ALCAM: variants seen among roughly 807,000 people sequenced by gnomAD.
ALCAM encodes CD166 antigen.
In ALCAM, 30 loss-of-function variants were observed where a neutral mutation model predicts 70.9. That is an observed-to-expected ratio of 0.42 (90% confidence interval 0.32 to 0.57). ALCAM has a LOEUF of 0.57. Among genes scored for constraint, ALCAM ranks in the 20% least tolerant of loss-of-function variants. ALCAM has a pLI of 0.11. For synonymous variants in ALCAM, 249 were observed against 242.5 expected (o/e 1.03, Z -0.25); for missense variants, 591 against 695.1 (o/e 0.85, Z 1.68).
intron 1 of ALCAM, among the ~76,000 whole-genome samples, chr3:105,459,417 G>A (rs1293370735): frequency 6.6e-6 from 1 of 151,890 alleles, no homozygotes; most frequent in African/African-American, 2.4e-5. Context: ...TGGGAAGACA[G>A]GGGTATTATC....
intron 1 of ALCAM, among the ~76,000 whole-genome samples, chr3:105,404,124 C>T (rs1936158850): frequency 6.6e-6 from 1 of 151,740 alleles, no homozygotes; most frequent in Non-Finnish European, 1.5e-5. Context: ...AATTGGTGAT[C>T]CTGAGGAAGA....
intron 1 of ALCAM, among the ~76,000 whole-genome samples, chr3:105,493,282 C>T (rs1938640952): frequency 6.6e-6 from 1 of 151,992 alleles, no homozygotes; most frequent in Non-Finnish European, 1.5e-5. Context: ...TATGACCATG[C>T]TTATGTCAAT....
At chr3:105,569,420 A>G (rs1380129798) in intron 14 of ALCAM, among the ~76,000 whole-genome samples, 1 of 152,168 alleles carries the variant, frequency 6.6e-6, no homozygotes, top group Non-Finnish European at 1.5e-5. Flanking sequence ...GTTAGTAGCT[A>G]TTAGAATAAT....
At chr3:105,546,765 A>T (rs2279387) in intron 9 of ALCAM, among the ~76,000 whole-genome samples, 10,948 of 151,462 alleles carry the variant, frequency 0.072, 481 homozygotes, top group African/African-American at 0.11. Context: ...ATCCTAATGG[A>T]CAAAGACCAC....
At chr3:105,454,386 G>T (rs1264126459) in intron 1 of ALCAM, among the ~76,000 whole-genome samples, 1 of 152,108 alleles carries the variant, frequency 6.6e-6, no homozygotes, top group Non-Finnish European at 1.5e-5. Context: ...TGTACAGATG[G>T]CCTTAGACAT....
chr3:105,567,079 A>C (rs1940758935), intron 14 of ALCAM, among the ~76,000 whole-genome samples: 1 of 152,100 alleles, frequency 6.6e-6, no homozygotes, highest in Non-Finnish European at 1.5e-5. Flanking sequence ...ATGTTTAATT[A>C]TCTCTGGTGT....
At chr3:105,405,854 G>T (rs1312868184) in intron 1 of ALCAM, among the ~76,000 whole-genome samples, 1 of 152,126 alleles carries the variant, frequency 6.6e-6, no homozygotes, top group Admixed American at 6.5e-5. Context: ...TCATTTAATT[G>T]AATGATAATA....
At chr3:105,558,677 C>T (rs6792801) in intron 14 of ALCAM, among the ~76,000 whole-genome samples, 64,426 of 151,932 alleles carry the variant, frequency 0.42, 14,663 homozygotes, top group East Asian at 0.68. Flanking sequence ...GCCCTTTAAA[C>T]GCACTGCGCT....
chr3:105,466,719 A>C (rs1269503146), intron 1 of ALCAM, among the ~76,000 whole-genome samples: 2 of 151,418 alleles, frequency 1.3e-5, no homozygotes, highest in African/African-American at 4.8e-5. Flanking sequence ...TTAGTGACAA[A>C]TGACCTGAAT....
intron 1 of ALCAM, among the ~76,000 whole-genome samples, chr3:105,411,928 G>T (rs1013745635): frequency 6.6e-6 from 1 of 151,982 alleles, no homozygotes; most frequent in African/African-American, 2.4e-5. Context: ...AAAAGTATAA[G>T]AAATGATTTA....
At chr3:105,552,633 A>C (rs1422448292) in intron 14 of ALCAM, 48 bp downstream of exon 14, 7 of 1,609,358 alleles carry the variant, frequency 4.3e-6, no homozygotes, top group Non-Finnish European at 5.9e-6. Context: ...TTTCACTGGG[A>C]GAAAATACAA....
intron 1 of ALCAM, among the ~76,000 whole-genome samples, chr3:105,488,072 G>A (rs1576196208): frequency 6.6e-6 from 1 of 152,184 alleles, no homozygotes; most frequent in African/African-American, 2.4e-5. Flanking sequence ...TTTTACTTTT[G>A]TTAGGTCCTG....
chr3:105,400,824 C>A (rs1045913924), intron 1 of ALCAM, among the ~76,000 whole-genome samples: 2 of 152,152 alleles, frequency 1.3e-5, no homozygotes, highest in African/African-American at 4.8e-5. Flanking sequence ...CAGTTACCAG[C>A]TAGTCATTTG....
chr3:105,465,521 A>C (rs1363863540), intron 1 of ALCAM, among the ~76,000 whole-genome samples: 1 of 151,448 alleles, frequency 6.6e-6, no homozygotes, highest in African/African-American at 2.4e-5. Flanking sequence ...ATTTCTGCTC[A>C]CTGATTATAT....
intron 3 of ALCAM, among the ~76,000 whole-genome samples, chr3:105,525,916 C>T (rs1037938210): frequency 1.3e-4 from 20 of 152,198 alleles, no homozygotes; most frequent in African/African-American, 4.6e-4. Context: ...CATAAAACAT[C>T]CCAAATAGTC....
intron 6 of ALCAM, among the ~76,000 whole-genome samples, chr3:105,537,711 G>C (rs1226314580): frequency 6.6e-6 from 1 of 152,054 alleles, no homozygotes; most frequent in Non-Finnish European, 1.5e-5. Flanking sequence ...CTCATGTAAT[G>C]ATGGCTACCA....
intron 1 of ALCAM, among the ~76,000 whole-genome samples, chr3:105,486,549 A>C (rs147952037): frequency 6.6e-6 from 1 of 152,174 alleles, no homozygotes; most frequent in Admixed American, 6.5e-5. Flanking sequence ...AGAAGGAATT[A>C]GCTTTTGTTT....
chr3:105,419,673 A>G (rs780224190), intron 1 of ALCAM, among the ~76,000 whole-genome samples: 5 of 151,806 alleles, frequency 3.3e-5, no homozygotes, highest in Non-Finnish European at 5.9e-5. Flanking sequence ...TTTTAAAAAT[A>G]TGGCAGACTA....
At chr3:105,393,889 T>G (rs918501996) in intron 1 of ALCAM, among the ~76,000 whole-genome samples, 3 of 146,642 alleles carry the variant, frequency 2.0e-5, no homozygotes, top group African/African-American at 7.3e-5. Context: ...AAGATACATG[T>G]AAGTTTTCCA....
Sources: allele counts gnomAD v4.1 joint callset (sites outside exome capture counted in the v4.1 genomes callset), GRCh38; gene constraint gnomAD v4.1.1; transcripts MANE v1.5; gene names NCBI Gene and HGNC (gene_info 2026-07-23, HGNC 2026-07-21).